The following PDE10A variants were observed in gnomAD, a reference collection of about 807,000 sequenced individuals.
PDE10A encodes the protein phosphodiesterase 10A, also known as cAMP and cAMP-inhibited cGMP 3',5'-cyclic phosphodiesterase 10A.
PDE10A carries 39 observed loss-of-function variants against 97.7 expected under a neutral mutation model. The ratio of observed to expected loss-of-function variants is 0.40; its 90% CI spans 0.31 to 0.52. PDE10A has a LOEUF of 0.52. Ranked by LOEUF, PDE10A falls within the 20% of genes least tolerant of loss-of-function variation. The pLI is 0.56. For synonymous variants in PDE10A, 371 were observed against 376.8 expected, an observed-to-expected ratio of 0.98 and a Z score of 0.18; for missense variants, 731 against 1,047.8, an observed-to-expected ratio of 0.70 and a Z score of 4.17.
intron 18 of PDE10A, among the ~76,000 whole-genome samples, chr6:165,359,350 T>A (rs1318734250): frequency 6.6e-6 from 1 of 152,166 alleles, no homozygotes; most frequent in Non-Finnish European, 1.5e-5. Flanking sequence ...GCCTCCTTTT[T>A]TGAAGAATGT....
At position 165,655,982 on chromosome 6, in the gene PDE10A, C is replaced by G. The variant is rs1038934516; in HGVS notation, c.865+5965G>C. 1.3e-5 allele frequency among the ~76,000 whole-genome samples: 2 copies of G among 152,048 alleles called. No homozygotes were observed. The highest frequency in any genetic ancestry group is 4.8e-5 in the African/African-American group (2 of 41,414). On this transcript the variant is annotated intron_variant, in intron 1 of 21. Transcript: ENST00000539869. This position sits in a 1 kb window ranked among gnomAD's most constrained non-coding sequence, Gnocchi z 4.5. ...TTCTACTGCCCCTGTGAAGAGAGAC[C>G]TGCACAGAACAAGGCAAGGAGCCAC... is the stretch of plus-strand genomic sequence containing the variant.
chr6:165,966,969 T>C (rs1784528865), intron 1 of PDE10A, among the ~76,000 whole-genome samples: 1 of 152,142 alleles, frequency 6.6e-6, no homozygotes, highest in Non-Finnish European at 1.5e-5. Context: ...TAATACACTA[T>C]GTTGTTGCTA....
chr6:165,370,244 T>C (rs1304965233), intron 18 of PDE10A, among the ~76,000 whole-genome samples: 1 of 150,696 alleles, frequency 6.6e-6, no homozygotes, highest in African/African-American at 2.4e-5. Context: ...ACTTTAAATG[T>C]AAATGGACTA....
chr6:165,733,619 G>C (rs1169819672), intron 1 of PDE10A, among the ~76,000 whole-genome samples: 1 of 152,188 alleles, frequency 6.6e-6, no homozygotes, highest in Non-Finnish European at 1.5e-5. Context: ...GAATTGCAAA[G>C]ATAAATCATG....
intron 1 of PDE10A, among the ~76,000 whole-genome samples, chr6:165,779,890 C>T (rs1778299158): frequency 6.6e-6 from 1 of 152,164 alleles, no homozygotes; most frequent in Admixed American, 6.5e-5. Flanking sequence ...GCTGCTCTCC[C>T]GCCCAACACT....
intron 19 of PDE10A, among the ~76,000 whole-genome samples, chr6:165,342,759 A>C (rs1782048972): frequency 6.6e-6 from 1 of 152,244 alleles, no homozygotes; most frequent in African/African-American, 2.4e-5. Flanking sequence ...TTTGGATGGG[A>C]GAATGATATT....
At chr6:165,903,416 T>A (rs539457494) in intron 1 of PDE10A, among the ~76,000 whole-genome samples, 97 of 152,282 alleles carry the variant, frequency 6.4e-4, no homozygotes, top group African/African-American at 2.2e-3. Context: ...ATAGAACTTC[T>A]TTAGGGTTTG....
chr6:165,747,283 G>A (rs1389923), intron 1 of PDE10A, among the ~76,000 whole-genome samples: 3 of 151,898 alleles, frequency 2.0e-5, no homozygotes, highest in Non-Finnish European at 4.4e-5. Flanking sequence ...ATTTTTAAGT[G>A]GTAGAGATAC....
intron 1 of PDE10A, among the ~76,000 whole-genome samples, chr6:165,619,629 ATAGTG>A (rs1369634838): frequency 8.1e-6 from 1 of 124,050 alleles, no homozygotes; most frequent in Non-Finnish European, 1.7e-5. Flanking sequence ...GTACTGTAGT[ATAGTG>A]TAGTGTAGTA....
intron 1 of PDE10A, among the ~76,000 whole-genome samples, chr6:165,928,645 C>A (rs1783022166): frequency 6.6e-6 from 1 of 152,204 alleles, no homozygotes; most frequent in Non-Finnish European, 1.5e-5. Context: ...GCAAAGCTGT[C>A]TTCATATTTG....
chr6:165,888,387 G>A (rs1164791382), intron 1 of PDE10A, among the ~76,000 whole-genome samples: 1 of 151,952 alleles, frequency 6.6e-6, no homozygotes, highest in East Asian at 1.9e-4. Context: ...CCAGGTTTAA[G>A]TGATTCCTCT....
chr6:165,815,422 A>C (rs1779382372), intron 1 of PDE10A, among the ~76,000 whole-genome samples: 1 of 152,188 alleles, frequency 6.6e-6, no homozygotes, highest in South Asian at 2.1e-4. Context: ...CGTGGTGTAG[A>C]AAAAGAGGTC....
At chr6:165,745,422 T>C (rs1031732085) in intron 1 of PDE10A, among the ~76,000 whole-genome samples, 3 of 152,226 alleles carry the variant, frequency 2.0e-5, no homozygotes, top group African/African-American at 7.2e-5. Context: ...TAAACAGCTC[T>C]GATTATTAGA....
intron 20 of PDE10A, among the ~76,000 whole-genome samples, chr6:165,338,978 A>G (rs2128177506): frequency 6.6e-6 from 1 of 152,332 alleles, no homozygotes; most frequent in Admixed American, 6.5e-5. Flanking sequence ...CAGTGGTTAG[A>G]GTTGGCCGTC....
At position 165,453,482 on chromosome 6, in the gene PDE10A, G is replaced by C. The variant is rs146106476; in HGVS notation, c.1024-3120C>G. ...GGCCATCCCTCCCACCACAGGCTCA[G>C]AGCAGGGCCTTGAGGGCAAGGTTTC... On this transcript the variant is annotated intron_variant, in intron 3 of 21. Transcript: ENST00000539869. Among the ~76,000 whole-genome samples the C allele has an allele frequency of 1.4e-3, 211 of 152,332 alleles. 3 individuals carry two copies. The highest frequency in any genetic ancestry group is 4.8e-3 in the African/African-American group (200 of 41,576).
chr6:165,426,038 T>C (rs1296840875), intron 10 of PDE10A, among the ~76,000 whole-genome samples: 1 of 151,758 alleles, frequency 6.6e-6, no homozygotes, highest in Admixed American at 6.6e-5. Context: ...TTGAAAAAAA[T>C]TAAGATCTAG....
At chr6:165,688,861 T>A (rs1298382788) in intron 1 of PDE10A, among the ~76,000 whole-genome samples, 2 of 152,192 alleles carry the variant, frequency 1.3e-5, no homozygotes, top group East Asian at 3.9e-4. Flanking sequence ...TGTGAGTGTG[T>A]GAGTGTGTAC....
chr6:165,403,947 T>A (rs1786891793), intron 13 of PDE10A, among the ~76,000 whole-genome samples: 1 of 152,246 alleles, frequency 6.6e-6, no homozygotes, highest in Non-Finnish European at 1.5e-5. Flanking sequence ...TTGTGTATAA[T>A]GTTGGTTAAG....
At chr6:165,582,022 T>G (rs1785642336) in intron 1 of PDE10A, among the ~76,000 whole-genome samples, 1 of 152,236 alleles carries the variant, frequency 6.6e-6, no homozygotes, top group Admixed American at 6.5e-5. Context: ...CAACATGCTA[T>G]ATACTAGAAA....
Sources: allele counts gnomAD v4.1 joint callset (sites outside exome capture counted in the v4.1 genomes callset), GRCh38; gene constraint gnomAD v4.1.1; non-coding constraint Gnocchi (gnomAD v3.1); transcripts MANE v1.5; gene names NCBI Gene and HGNC (gene_info 2026-07-23, HGNC 2026-07-21).